BCR: variants seen among roughly 807,000 people sequenced by gnomAD.
BCR encodes the protein BCR activator of RhoGEF and GTPase, also known as breakpoint cluster region protein.
BCR carries 58 observed loss-of-function variants against 138.6 expected under a neutral mutation model. The observed-to-expected ratio is 0.42, with a 90% CI of 0.34 to 0.52. The LOEUF is 0.52. Among genes scored for constraint, BCR ranks in the 20% least tolerant of loss-of-function variants. The pLI is 0.06. For missense variants in BCR, 1,599 were observed against 1,727.2 expected (o/e 0.93, Z 1.32); for synonymous variants, 786 against 730.1 (o/e 1.08, Z -1.23).
intron 8 of BCR, among the ~76,000 whole-genome samples, chr22:23,274,822 C>T (rs1304198289): frequency 6.7e-6 from 1 of 149,814 alleles, no homozygotes; most frequent in Admixed American, 6.8e-5. Flanking sequence ...GCAGGTGAAT[C>T]GCTTGAACCC....
chr22:23,189,979 G>C (rs942955383), intron 1 of BCR, among the ~76,000 whole-genome samples: 1 of 152,228 alleles, frequency 6.6e-6, no homozygotes, highest in Non-Finnish European at 1.5e-5. Context: ...CCAAGACTGG[G>C]TGGCTTAAAT....
At chr22:23,242,349 T>G (rs1397735857) in intron 1 of BCR, among the ~76,000 whole-genome samples, 1 of 152,156 alleles carries the variant, frequency 6.6e-6, no homozygotes, top group African/African-American at 2.4e-5. Flanking sequence ...CCATCTCAGG[T>G]GATAAGGGCT....
rs1019152359 is a variant in BCR, at chr22:23,314,752, C to T, written c.3726+38C>T. 14 of 1,610,870 alleles carry T rather than the reference C, an allele frequency of 8.7e-6. 1 individual carries two copies. Reference sequence around the variant, plus strand: ...AGGCTCCAGCCCATGCAACCCTGACCTGACAGAGGTGGCCTCTGCCTGCCC... The same window carrying T: ...AGGCTCCAGCCCATGCAACCCTGACTTGACAGAGGTGGCCTCTGCCTGCCC... On this transcript the variant is annotated intron_variant, in intron 22 of 22. Transcript: ENST00000305877.
intron 1 of BCR, among the ~76,000 whole-genome samples, chr22:23,203,025 C>T (rs758105607): frequency 3.3e-5 from 5 of 152,010 alleles, no homozygotes; most frequent in South Asian, 2.1e-4. Flanking sequence ...ACTCATCTGT[C>T]GTTTTTTTTC....
Position 23,286,969 on chromosome 22 carries a change from T to C in BCR, c.2407-190T>C, listed in dbSNP as rs543565362. On this transcript the variant is annotated intron_variant, in intron 10 of 22. Transcript: ENST00000305877. ...CAGCTTATGCCATGCCTTGACCCTG[T>C]AAAAAAGCTGTTTCTGTCCTCCAGA... is the stretch of plus-strand genomic sequence containing the variant. 6.6e-5 allele frequency among the ~76,000 whole-genome samples: 10 copies of C among 152,284 alleles called. No individual in the cohort carries two copies. In the South Asian group the frequency reaches 2.1e-3, roughly 32 times the overall value.
intron 9 of BCR, among the ~76,000 whole-genome samples, chr22:23,284,796 G>T (rs923803873): frequency 6.6e-6 from 1 of 152,198 alleles, no homozygotes; most frequent in Non-Finnish European, 1.5e-5. Context: ...GGACAAGGTG[G>T]ATCTAGACTC....
intron 8 of BCR, 175 bp from the exon 9 acceptor site, chr22:23,283,802 G>A: frequency 2.5e-6 from 2 of 798,958 alleles, no homozygotes; most frequent in Non-Finnish European, 3.8e-6. Flanking sequence ...GCAGGACAGT[G>A]AGATGAACAA....
chr22:23,219,153 G>C (rs1202925691), intron 1 of BCR, among the ~76,000 whole-genome samples: 1 of 152,188 alleles, frequency 6.6e-6, no homozygotes, highest in Non-Finnish European at 1.5e-5. Flanking sequence ...CCAGGGGGAG[G>C]GGAGAAAGTG....
chr22:23,193,077 T>C (rs937252370), intron 1 of BCR, among the ~76,000 whole-genome samples: 1 of 152,222 alleles, frequency 6.6e-6, no homozygotes, highest in African/African-American at 2.4e-5. Context: ...GTGCCACTGT[T>C]GGCTCAAGAA....
At chr22:23,232,643 G>T (rs2072971771) in intron 1 of BCR, among the ~76,000 whole-genome samples, 1 of 152,204 alleles carries the variant, frequency 6.6e-6, no homozygotes, top group Non-Finnish European at 1.5e-5. Flanking sequence ...GGCCCAGCTG[G>T]GATGCTCACT....
chr22:23,233,783 C>T (rs1251389041), intron 1 of BCR, among the ~76,000 whole-genome samples: 2 of 138,110 alleles, frequency 1.4e-5, no homozygotes, highest in Non-Finnish European at 3.1e-5. Context: ...GAGCGAGACC[C>T]TGTCTCAAAA....
In BCR at chr22:23,266,451, G is replaced by A. The variant is rs565570174; in HGVS notation, c.1753-1957G>A. Reference sequence around the variant, plus strand: ...GTCACCCAGGCTGGAGTGCAGTGGCGTGATCTTAGCTCCTTGCAACCTCTG... The same window carrying A: ...GTCACCCAGGCTGGAGTGCAGTGGCATGATCTTAGCTCCTTGCAACCTCTG... On this transcript the variant is annotated intron_variant, in intron 4 of 22. Coordinates refer to ENST00000305877, the MANE Select transcript of BCR (RefSeq NM_004327.4). Among the ~76,000 whole-genome samples the A allele has an allele frequency of 1.7e-3, 254 of 151,842 alleles. 1 individual carries two copies. Among genetic ancestry groups the A allele is most frequent in the African/African-American group, 5.6e-3 (230 of 41,384 alleles).
At chr22:23,291,944 T>C (rs1327153601) in intron 14 of BCR, among the ~76,000 whole-genome samples, 2 of 152,208 alleles carry the variant, frequency 1.3e-5, no homozygotes, top group South Asian at 2.1e-4. Context: ...CAGTCTCAGG[T>C]AGTTTTTCTA....
intron 16 of BCR, among the ~76,000 whole-genome samples, chr22:23,304,746 A>G (rs563023921): frequency 6.6e-5 from 10 of 152,174 alleles, no homozygotes; most frequent in Admixed American, 2.0e-4. Context: ...AGTGTATCCT[A>G]AGGGAGAAGG....
chr22:23,263,819 G>C (rs773604640), intron 4 of BCR: 17 of 1,206,452 alleles, frequency 1.4e-5, no homozygotes, highest in African/African-American at 3.0e-5. Flanking sequence ...CCTCAGGCCA[G>C]CTGGGGTAGT....
At chr22:23,265,112 ATCAC>A (rs1181302993) in intron 4 of BCR, 3 of 152,206 alleles carry the variant, frequency 2.0e-5, no homozygotes, top group African/African-American at 7.2e-5. Flanking sequence ...ATATTCCGAA[ATCAC>A]TCAGAGACTT....
At chr22:23,220,421 G>T (rs576341798) in intron 1 of BCR, among the ~76,000 whole-genome samples, 2 of 152,262 alleles carry the variant, frequency 1.3e-5, no homozygotes, top group East Asian at 3.9e-4. Context: ...TGGGTCATTT[G>T]GTTCAGTGGC....
intron 4 of BCR, chr22:23,264,887 C>G (rs1255317896): frequency 6.6e-6 from 1 of 152,282 alleles, no homozygotes; most frequent in African/African-American, 2.4e-5. Context: ...CAAAGGGAAC[C>G]CAGCAGTTCT....
intron 1 of BCR, among the ~76,000 whole-genome samples, chr22:23,227,199 A>G (rs2072904972): frequency 6.6e-6 from 1 of 152,228 alleles, no homozygotes; most frequent in African/African-American, 2.4e-5. Context: ...GCAGGCTGAC[A>G]AGTGCCACTT....
Sources: allele counts gnomAD v4.1 joint callset (sites outside exome capture counted in the v4.1 genomes callset), GRCh38; gene constraint gnomAD v4.1.1; transcripts MANE v1.5; gene names NCBI Gene and HGNC (gene_info 2026-07-23, HGNC 2026-07-21).